EXT2: variants seen among roughly 807,000 people sequenced by gnomAD.
EXT2 encodes exostosin glycosyltransferase 2.
In EXT2, 53 loss-of-function variants were observed where a neutral mutation model predicts 81.6. That is an observed-to-expected ratio of 0.65 (90% CI 0.52 to 0.82). The LOEUF (loss-of-function observed/expected upper bound fraction) is 0.82. Ranked by LOEUF, EXT2 falls within the 40% of genes least tolerant of loss-of-function variation. The probability of loss-of-function intolerance (pLI) is 0.00; values close to 1 mark genes in which losing one functional copy is unlikely to be tolerated. For missense variants in EXT2, 774 were observed against 910.2 expected, an observed-to-expected ratio of 0.85 and a Z score of 1.93; for synonymous variants, 320 against 340.0, an observed-to-expected ratio of 0.94 and a Z score of 0.65.
Position 44,109,176 on chromosome 11 carries a change from T to G in EXT2, c.537-18T>G. The G allele has an allele frequency of 6.2e-7, 1 of 1,613,198 alleles. No individual in the cohort carries two copies. The highest frequency in any genetic ancestry group is 8.5e-7 in the Non-Finnish European group (1 of 1,179,230). ...TAGTTGACACATTAATTCTCCTACA[T>G]TTTAAATTTCTTGACAGGTGGGATC... On this transcript the variant is annotated intron_variant, in intron 2 of 13. Coordinates refer to ENST00000533608, the MANE Select transcript of EXT2 (RefSeq NM_207122.2).
chr11:44,165,852 T>C (rs7120534), intron 7 of EXT2, among the ~76,000 whole-genome samples: 39,940 of 152,084 alleles, frequency 0.26, 6,384 homozygotes, highest in Admixed American at 0.44. Flanking sequence ...AAACTTGCTA[T>C]GTGCTGGTGC....
intron 1 of EXT2, chr11:44,096,185 C>G: frequency 6.9e-7 from 1 of 1,456,778 alleles, no homozygotes; most frequent in Non-Finnish European, 9.3e-7. Context: ...CTCCGCCCTC[C>G]GCCGTGACCC....
rs1255934468 is a variant in EXT2 at position 44,232,489 on chromosome 11, A to G, written c.1799A>G (p.Tyr600Cys). Reference protein sequence around the residue: ...VSMVLTGAAFYHKYFNYLYTY... With the variant: ...VSMVLTGAAFCHKYFNYLYTY... ...ATGGTGCTCACTGGGGCAGCTTTTT[A>G]TCACAAGGTAAGGGGGCGCAGTCCT... Residue 600 changes from tyrosine (Y) to cysteine (C), a missense_variant, in exon 11 of 14, where the codon TAT becomes TGT. By Grantham distance (194) the Tyr-to-Cys change is radical. This residue lies in a region of EXT2 where 148 missense variants were observed against 239.7 expected (regional missense o/e 0.62). Coordinates refer to ENST00000533608, the MANE Select transcript of EXT2 (RefSeq NM_207122.2). 2 of 1,613,864 alleles carry G rather than the reference A, an allele frequency of 1.2e-6. No individual in the cohort carries two copies. Among genetic ancestry groups the G allele is most frequent in the African/African-American group, 2.7e-5 (2 of 74,928 alleles).
intron 9 of EXT2, among the ~76,000 whole-genome samples, chr11:44,199,814 T>C (rs987715539): frequency 2.6e-5 from 4 of 152,240 alleles, no homozygotes; most frequent in Non-Finnish European, 5.9e-5. Flanking sequence ...GTGTTCAGTT[T>C]TAATTTTTGG....
chr11:44,143,844 C>G (rs1044538164), intron 7 of EXT2, among the ~76,000 whole-genome samples: 2 of 152,206 alleles, frequency 1.3e-5, no homozygotes, highest in Non-Finnish European at 2.9e-5. Context: ...AAAGGAAAAC[C>G]TGCCAGAGAG....
rs1590640131 is a variant in EXT2 at position 44,198,007 on chromosome 11, A to G, written c.1484A>G (p.Asn495Ser). The change falls in exon 9 of 14, where the codon AAC becomes AGC. Residue 495 changes from asparagine (N) to serine (S), a missense_variant. This residue lies in a region of EXT2 where 626 missense variants were observed against 670.5 expected (regional missense o/e 0.93). Transcript: ENST00000533608. ...GTCGTCTGGAATAATCAGAATAAAA[A>G]CCCTCCAGAAGGTAAGAAGCCTTAG... ...LLVVWNNQNK[N>S]PPEDSLWPKI... is the part of the protein sequence containing the mutation. 3 of 1,613,976 alleles carry G rather than the reference A, an allele frequency of 1.9e-6. No individual in the cohort carries two copies. The highest frequency in any genetic ancestry group is 2.5e-6 in the Non-Finnish European group (3 of 1,179,958).
intron 9 of EXT2, among the ~76,000 whole-genome samples, chr11:44,204,583 A>G (rs1434231153): frequency 2.6e-5 from 4 of 152,216 alleles, no homozygotes; most frequent in Admixed American, 6.5e-5. Context: ...GTGGCCTGTT[A>G]GGAACCAAGC....
intron 4 of EXT2, among the ~76,000 whole-genome samples, chr11:44,115,577 C>G (rs993038761): frequency 6.6e-6 from 1 of 152,078 alleles, no homozygotes; most frequent in African/African-American, 2.4e-5. Context: ...TGGAAGTGCT[C>G]AGAAGCAGAG....
intron 7 of EXT2, among the ~76,000 whole-genome samples, chr11:44,141,502 C>A (rs1306501588): frequency 6.6e-6 from 1 of 152,176 alleles, no homozygotes; most frequent in Non-Finnish European, 1.5e-5. Context: ...AAGTTGATAT[C>A]ATCTAATTAG....
intron 7 of EXT2, among the ~76,000 whole-genome samples, chr11:44,165,367 T>C (rs990674089): frequency 5.9e-5 from 9 of 152,236 alleles, no homozygotes; most frequent in African/African-American, 2.2e-4. Context: ...TAAATTATAA[T>C]ACCTTCTGAA....
At chr11:44,135,376 A>G (rs1954550385) in intron 7 of EXT2, among the ~76,000 whole-genome samples, 1 of 148,758 alleles carries the variant, frequency 6.7e-6, no homozygotes, top group Non-Finnish European at 1.5e-5. Context: ...GTATGAATAA[A>G]GAGGATGGAA....
intron 8 of EXT2, among the ~76,000 whole-genome samples, chr11:44,179,878 T>A (rs1394988518): frequency 1.3e-5 from 2 of 152,164 alleles, no homozygotes; most frequent in Non-Finnish European, 2.9e-5. Context: ...TTAATGTGTC[T>A]CCCAATTGAT....
At chr11:44,232,070 T>C (rs965366321) in intron 10 of EXT2, among the ~76,000 whole-genome samples, 3 of 152,162 alleles carry the variant, frequency 2.0e-5, no homozygotes, top group African/African-American at 7.2e-5. Flanking sequence ...TGTTAAGAGA[T>C]TGCCTACCTT....
chr11:44,234,902 A>G (rs1955943124), intron 12 of EXT2, among the ~76,000 whole-genome samples: 1 of 152,234 alleles, frequency 6.6e-6, no homozygotes, highest in South Asian at 2.1e-4. Context: ...CTTCTAGATT[A>G]GAATTTTGTG....
chr11:44,120,847 T>C (rs1168559445), intron 4 of EXT2, among the ~76,000 whole-genome samples: 1 of 152,250 alleles, frequency 6.6e-6, no homozygotes, highest in Admixed American at 6.5e-5. Context: ...AGTTTACAAC[T>C]GTTACTATTG....
intron 8 of EXT2, among the ~76,000 whole-genome samples, chr11:44,177,676 C>G (rs1955177718): frequency 6.6e-6 from 1 of 152,116 alleles, no homozygotes; most frequent in Admixed American, 6.6e-5. Context: ...AAAGATTATA[C>G]TGCATCTTAT....
chr11:44,119,153 TATATATATATATATATAC>T (rs1239383784), intron 4 of EXT2, among the ~76,000 whole-genome samples: 31,441 of 94,602 alleles, frequency 0.33, 6,579 homozygotes, highest in Middle Eastern at 0.39. Flanking sequence ...TATATATATA[TATATATATATATATATAC>T]ACATACACAC....
intron 8 of EXT2, among the ~76,000 whole-genome samples, chr11:44,173,625 G>A (rs1955110775): frequency 7.4e-6 from 1 of 135,082 alleles, no homozygotes; most frequent in Non-Finnish European, 1.5e-5. Flanking sequence ...CTGGAGTGCA[G>A]TAGCGCAATG....
chr11:44,218,859 A>G (rs1255628947), intron 10 of EXT2, among the ~76,000 whole-genome samples: 1 of 123,852 alleles, frequency 8.1e-6, no homozygotes, highest in East Asian at 2.6e-4. Flanking sequence ...ATGCAGTGGC[A>G]CAGTCTTGGC....
Sources: allele counts gnomAD v4.1 joint callset (sites outside exome capture counted in the v4.1 genomes callset), GRCh38; gene constraint gnomAD v4.1.1; regional missense constraint gnomAD v4.1.1; transcripts MANE v1.5; gene names NCBI Gene and HGNC (gene_info 2026-07-23, HGNC 2026-07-21).